Variants in MYO3B observed in about 807,000 individuals in gnomAD.
The protein encoded by MYO3B is myosin IIIB, also known as myosin-IIIb.
Under a neutral mutation model 174.6 loss-of-function variants are expected in MYO3B, and 156 were observed. That is an observed-to-expected ratio of 0.89 (90% CI 0.78 to 1.02). MYO3B has a LOEUF of 1.02. Ranked by LOEUF, MYO3B falls within the 50% of genes least tolerant of loss-of-function variation. The pLI is 0.00. For missense variants in MYO3B, 1,632 were observed against 1,639.4 expected (o/e 1.00, Z 0.08); for synonymous variants, 563 against 569.1 (o/e 0.99, Z 0.15).
At chr2:170,324,096 A>C (rs2093848043) in intron 7 of MYO3B, among the ~76,000 whole-genome samples, 1 of 152,172 alleles carries the variant, frequency 6.6e-6, no homozygotes, top group East Asian at 1.9e-4. Flanking sequence ...GAAATCCTAG[A>C]GGCAGAGCGA....
At position 170,651,541 on chromosome 2, in the gene MYO3B, C is replaced by T. The variant is rs576798054; in HGVS notation, c.3734-87C>T. ...CCATTAAAATAGGACACAGTTTCTA[C>T]TAAGTGCATTTATGTGAAGAGCCAT... On this transcript the variant is annotated intron_variant, in intron 32 of 34. Coordinates refer to ENST00000408978, the MANE Select transcript of MYO3B (RefSeq NM_138995.5). 29 of 989,582 alleles carry T rather than the reference C, an allele frequency of 2.9e-5. No homozygotes were observed. In the South Asian group the frequency reaches 3.6e-4, roughly 12 times the overall value. 61.3% of individuals were successfully genotyped at this position (989,582 alleles called of 1,614,324 possible).
intron 8 of MYO3B, among the ~76,000 whole-genome samples, chr2:170,362,193 C>A (rs1255719422): frequency 1.3e-5 from 2 of 152,150 alleles, no homozygotes; most frequent in African/African-American, 4.8e-5. Flanking sequence ...GGCTTCAAAC[C>A]ACCACCCTAT....
intron 1 of MYO3B, among the ~76,000 whole-genome samples, chr2:170,192,175 G>T (rs927701626): frequency 6.6e-4 from 100 of 152,046 alleles, no homozygotes; most frequent in African/African-American, 2.4e-3. Flanking sequence ...TTCTTTGAAG[G>T]TCTGGAAGAA....
At chr2:170,510,317 TAA>T (rs1687898576) in intron 28 of MYO3B, among the ~76,000 whole-genome samples, 1 of 152,220 alleles carries the variant, frequency 6.6e-6, no homozygotes, top group South Asian at 2.1e-4. Flanking sequence ...AGTAAATTCT[TAA>T]AAGTCTATTA....
At chr2:170,529,215 GGGAGGA>G (rs911534862) in intron 30 of MYO3B, among the ~76,000 whole-genome samples, 14 of 151,932 alleles carry the variant, frequency 9.2e-5, no homozygotes, top group African/African-American at 3.4e-4. Context: ...GTTAGAGGTC[GGGAGGA>G]GGAGGAGGAG....
chr2:170,618,439 G>A (rs149219708), intron 32 of MYO3B, among the ~76,000 whole-genome samples: 136 of 152,232 alleles, frequency 8.9e-4, no homozygotes, highest in African/African-American at 3.0e-3. Context: ...AGGAGTTAGC[G>A]TGGTCTTTTC....
Position 170,401,536 on chromosome 2 carries a change from C to A in MYO3B, c.1974C>A (p.His658Gln), listed in dbSNP as rs374025116. Residue 658 changes from histidine to glutamine, a missense_variant, in exon 18 of 35, where the codon CAC (histidine) becomes CAA (glutamine). By Grantham distance (24) the His-to-Gln change is conservative. Transcript: ENST00000408978. ...PEELQEALTSHCVVTRGETII... is the reference protein window; with the variant it reads ...PEELQEALTSQCVVTRGETII... The stretch of plus-strand genomic sequence containing the variant: ...AGCTCCAGGAGGCCCTCACCTCCCA[C>A]TGTGTGGTCACCCGGGGCGAGACCA... 1.9e-6 allele frequency: 3 copies of A among 1,614,230 alleles called. No individual in the cohort carries two copies. The highest frequency in any genetic ancestry group is 2.5e-6 in the Non-Finnish European group (3 of 1,180,036).
chr2:170,502,924 G>A (rs575497653), intron 28 of MYO3B, among the ~76,000 whole-genome samples: 3 of 152,286 alleles, frequency 2.0e-5, no homozygotes, highest in African/African-American at 7.2e-5. Flanking sequence ...ATAGTTGGGC[G>A]GAAAGAGTGC....
chr2:170,220,033 C>T (rs1311966445), intron 6 of MYO3B, among the ~76,000 whole-genome samples: 3 of 152,182 alleles, frequency 2.0e-5, no homozygotes, highest in Admixed American at 6.5e-5. Context: ...CCAAGGTGGG[C>T]AGATCACGAG....
chr2:170,365,266 G>A (rs1245530237), intron 8 of MYO3B, among the ~76,000 whole-genome samples: 1 of 152,128 alleles, frequency 6.6e-6, no homozygotes, highest in Non-Finnish European at 1.5e-5. Context: ...TTAAAAGAGG[G>A]GCTAGAATCG....
chr2:170,377,291 G>A (rs770457535), intron 9 of MYO3B, among the ~76,000 whole-genome samples: 1 of 152,184 alleles, frequency 6.6e-6, no homozygotes, highest in Non-Finnish European at 1.5e-5. Flanking sequence ...AATTCTTCTA[G>A]TGTTTAAACC....
chr2:170,437,061 A>G (rs1248698387), intron 22 of MYO3B, among the ~76,000 whole-genome samples: 1 of 151,916 alleles, frequency 6.6e-6, no homozygotes, highest in Non-Finnish European at 1.5e-5. Flanking sequence ...TTATGGGAGG[A>G]AAACAGGTGG....
intron 32 of MYO3B, among the ~76,000 whole-genome samples, chr2:170,610,331 A>T (rs1018695003): frequency 6.8e-6 from 1 of 147,922 alleles, no homozygotes; most frequent in African/African-American, 2.6e-5. Context: ...ACAGAGCAAG[A>T]CTTTGTCTCA....
At chr2:170,202,190 C>T (rs1462553163) in intron 3 of MYO3B, among the ~76,000 whole-genome samples, 3 of 152,196 alleles carry the variant, frequency 2.0e-5, no homozygotes, top group Non-Finnish European at 4.4e-5. Flanking sequence ...GCTCCCTTGC[C>T]ACCTGTTTCT....
At chr2:170,308,265 G>A (rs983394848) in intron 7 of MYO3B, among the ~76,000 whole-genome samples, 4 of 152,230 alleles carry the variant, frequency 2.6e-5, no homozygotes, top group African/African-American at 9.7e-5. Flanking sequence ...TGTTGTAATT[G>A]CTGTAGGCAG....
intron 6 of MYO3B, among the ~76,000 whole-genome samples, chr2:170,220,940 A>G (rs1430422872): frequency 6.6e-6 from 1 of 152,058 alleles, no homozygotes; most frequent in Non-Finnish European, 1.5e-5. Context: ...TCACATTTTT[A>G]TTTTCTAAAT....
intron 25 of MYO3B, among the ~76,000 whole-genome samples, chr2:170,470,468 G>A (rs1257215881): frequency 1.3e-5 from 2 of 152,066 alleles, no homozygotes; most frequent in East Asian, 3.9e-4. Context: ...ATATCCCATT[G>A]CATGAATATA....
At chr2:170,632,746 T>A (rs1245745890) in intron 32 of MYO3B, among the ~76,000 whole-genome samples, 1 of 151,794 alleles carries the variant, frequency 6.6e-6, no homozygotes, top group Non-Finnish European at 1.5e-5. Context: ...GCAAGACTAA[T>A]AAAGAAGAAA....
intron 30 of MYO3B, among the ~76,000 whole-genome samples, chr2:170,530,648 T>C (rs186161859): frequency 7.3e-4 from 111 of 152,304 alleles, no homozygotes; most frequent in African/African-American, 2.5e-3. Flanking sequence ...GGAAGCACCT[T>C]GTTGACTTTT....
Sources: gnomAD v4.1 joint callset for allele counts (sites outside exome capture counted in the v4.1 genomes callset) on GRCh38, gnomAD v4.1.1 for gene constraint, MANE v1.5 for transcripts, NCBI Gene and HGNC (gene_info 2026-07-23, HGNC 2026-07-21) for gene names.